The following DLC1 variants were observed in gnomAD, a reference collection of about 807,000 sequenced individuals.
The protein encoded by DLC1 is rho GTPase-activating protein 7.
In DLC1, 54 loss-of-function variants were observed where a neutral mutation model predicts 140.3. The observed-to-expected ratio is 0.38, with a 90% CI of 0.31 to 0.48. The LOEUF (loss-of-function observed/expected upper bound fraction) is 0.48, where lower values mean the gene tolerates loss of function less well. Ranked by LOEUF, DLC1 falls within the 20% of genes least tolerant of loss-of-function variation. The pLI is 0.96. For synonymous variants in DLC1, 986 were observed against 728.1 expected (o/e 1.35, Z -5.70); for missense variants, 2,536 against 1,907.0 (o/e 1.33, Z -6.14).
chr8:13,189,913 C>G (rs1826646931), intron 5 of DLC1, among the ~76,000 whole-genome samples: 2 of 151,908 alleles, frequency 1.3e-5, no homozygotes, highest in Non-Finnish European at 2.9e-5. Context: ...CACTCTTGGC[C>G]CTGGCTTCCC....
chr8:13,286,328 G>A (rs983443220), intron 5 of DLC1, among the ~76,000 whole-genome samples: 2 of 152,086 alleles, frequency 1.3e-5, no homozygotes, highest in African/African-American at 4.8e-5. Context: ...TCACTGGCTT[G>A]GAGAATATGT....
At chr8:13,456,628 T>G (rs1231342450) in intron 2 of DLC1, among the ~76,000 whole-genome samples, 2 of 152,022 alleles carry the variant, frequency 1.3e-5, no homozygotes, top group African/African-American at 4.8e-5. Context: ...CTGGGTAATT[T>G]TTGTATTTTT....
At chr8:13,305,614 G>T (rs1421984039) in intron 4 of DLC1, among the ~76,000 whole-genome samples, 2 of 152,306 alleles carry the variant, frequency 1.3e-5, no homozygotes, top group East Asian at 3.9e-4. Flanking sequence ...GAGACAGGCG[G>T]ATCGTTGAGC....
chr8:13,129,896 T>C (rs1161317518), intron 5 of DLC1, among the ~76,000 whole-genome samples: 1 of 152,228 alleles, frequency 6.6e-6, no homozygotes, highest in Non-Finnish European at 1.5e-5. Context: ...TCAGGTATTG[T>C]CTGGAGTCTT....
intron 5 of DLC1, among the ~76,000 whole-genome samples, chr8:13,188,397 G>A (rs146121426): frequency 2.5e-5 from 3 of 120,638 alleles, no homozygotes; most frequent in Admixed American, 1.9e-4. Context: ...TCCAGCCTGG[G>A]TGACAGAGCA....
At chr8:13,143,438 G>C (rs969171217) in intron 5 of DLC1, among the ~76,000 whole-genome samples, 2 of 152,176 alleles carry the variant, frequency 1.3e-5, no homozygotes, top group African/African-American at 4.8e-5. Flanking sequence ...AGGTAGGTTA[G>C]AAAAGGTCAG....
chr8:13,393,767 C>A (rs1473601960), intron 3 of DLC1, 74 bp from the exon 4 acceptor site: 14 of 1,529,436 alleles, frequency 9.2e-6, no homozygotes, highest in Non-Finnish European at 8.8e-6. Flanking sequence ...ACCACCAGAA[C>A]TTTGTCACTT....
intron 2 of DLC1, among the ~76,000 whole-genome samples, chr8:13,453,491 CATATATATATGTATATATATATACATAT>C (rs1563360543): frequency 5.6e-5 from 1 of 17,962 alleles, no homozygotes; most frequent in African/African-American, 3.1e-4. Flanking sequence ...TATATATATA[CATATATATATGTATATATATATACATAT>C]ATATATATGT....
chr8:13,276,181 C>T (rs1831155142), intron 5 of DLC1: 1 of 1,509,654 alleles, frequency 6.6e-7, no homozygotes, highest in Admixed American at 2.1e-5. Context: ...ATGAACCAAG[C>T]TTATCACTGC....
At chr8:13,233,305 A>T (rs1243965236) in intron 5 of DLC1, among the ~76,000 whole-genome samples, 3 of 143,520 alleles carry the variant, frequency 2.1e-5, no homozygotes, top group Non-Finnish European at 4.5e-5. Context: ...AAAAAAAAAA[A>T]AAAAAAAAAA....
intron 1 of DLC1, among the ~76,000 whole-genome samples, chr8:13,507,115 C>A (rs1802130501): frequency 6.6e-6 from 1 of 152,070 alleles, no homozygotes; most frequent in Admixed American, 6.6e-5. Context: ...TTACAAAGAG[C>A]ATTTGTGGAA....
Position 13,086,919 on chromosome 8 carries a change from G to A in DLC1, c.4293-456C>T, listed in dbSNP as rs935213898. Among the ~76,000 whole-genome samples, 7 of 152,190 alleles carry A rather than the reference G, an allele frequency of 4.6e-5. No individual in the cohort carries two copies. In the South Asian group the frequency reaches 6.2e-4, roughly 14 times the overall value. On this transcript the variant is annotated intron_variant, in intron 16 of 17. Coordinates refer to ENST00000276297, the MANE Select transcript of DLC1 (RefSeq NM_182643.3). The stretch of plus-strand genomic sequence containing the variant: ...GTGCTCCTGTAGTCTCAGCTACTCC[G>A]GGGGCTGAGATGGTAGGATTGCTTA...
intron 5 of DLC1, among the ~76,000 whole-genome samples, chr8:13,262,380 A>G (rs1402104764): frequency 2.6e-5 from 4 of 152,158 alleles, no homozygotes; most frequent in Admixed American, 2.6e-4. Context: ...ATCCTAAGGA[A>G]AACTCTCAAT....
chr8:13,191,255 C>G (rs572124557), intron 5 of DLC1, among the ~76,000 whole-genome samples: 1 of 152,158 alleles, frequency 6.6e-6, no homozygotes, highest in Non-Finnish European at 1.5e-5. Flanking sequence ...GCCTGTAATC[C>G]CAGCACTTTG....
intron 1 of DLC1, among the ~76,000 whole-genome samples, chr8:13,577,092 T>A (rs915479000): frequency 1.4e-4 from 22 of 152,260 alleles, no homozygotes; most frequent in Non-Finnish European, 5.9e-5. Flanking sequence ...TAATCCACCA[T>A]GGGGCACCAT....
Position 13,100,303 on chromosome 8 carries a change from G to C in DLC1, c.2034C>G (p.Ser678Arg). The C allele has an allele frequency of 6.2e-7, 1 of 1,614,146 alleles. No homozygotes were observed. The highest frequency in any genetic ancestry group is 8.5e-7 in the Non-Finnish European group (1 of 1,180,048). The change falls in exon 9 of 18, where the codon AGC becomes AGG. Residue 678 changes from serine to arginine, a missense_variant. Physicochemically the swap from Ser to Arg is moderately radical, Grantham distance 110. Coordinates refer to ENST00000276297, the MANE Select transcript of DLC1 (RefSeq NM_182643.3). Reference protein sequence around the residue: ...LKRMESLKLKSSHHSKHKAPS... With the variant: ...LKRMESLKLKRSHHSKHKAPS... Reference sequence around the variant, plus strand: ...GCGCTTTGTGCTTGCTGTGATGGGAGCTCTTGAGCTTCAGGCTCTCCATCC... The same window carrying C: ...GCGCTTTGTGCTTGCTGTGATGGGACCTCTTGAGCTTCAGGCTCTCCATCC...
In DLC1 at chr8:13,499,288, A is replaced by G; in HGVS notation, c.784T>C (p.Cys262Arg). The G allele has an allele frequency of 1.2e-6, 2 of 1,614,128 alleles. No homozygotes were observed. Among genetic ancestry groups the G allele is most frequent in the Non-Finnish European group, 1.7e-6 (2 of 1,180,012 alleles). The change falls in exon 2 of 18, where the codon TGC (cysteine) becomes CGC (arginine). Residue 262 changes from cysteine to arginine, a missense_variant. Cys to Arg is a radical substitution (Grantham distance 180). Transcript: ENST00000276297. ...AATAATGGCAGTCCTCTGTTTGTGCAAGGAGTATCCAAGAACTCATTTTGT... is the reference window on the plus strand; with the variant it reads ...AATAATGGCAGTCCTCTGTTTGTGCGAGGAGTATCCAAGAACTCATTTTGT... ...VVQNEFLDTPCTNRGLPLLKT... is the reference protein window; with the variant it reads ...VVQNEFLDTPRTNRGLPLLKT...
chr8:13,407,149 G>C (rs549196997), intron 2 of DLC1, among the ~76,000 whole-genome samples: 1 of 152,320 alleles, frequency 6.6e-6, no homozygotes, highest in East Asian at 1.9e-4. Flanking sequence ...AGATGTCCAA[G>C]CCCATGGTGG....
Position 13,587,102 on chromosome 8 carries a change from A to ACACACACACG in DLC1, c.-126+17434_-126+17435insCGTGTGTGTG, listed in dbSNP as rs760957250. Among the ~76,000 whole-genome samples the ACACACACACG allele has an allele frequency of 4.4e-3, 669 of 151,640 alleles. 6 individuals are homozygous for ACACACACACG. Among genetic ancestry groups the ACACACACACG allele is most frequent in the African/African-American group, 0.015 (630 of 41,334 alleles). On this transcript the variant is annotated intron_variant, in intron 1 of 1. Coordinates refer to the DLC1 transcript ENST00000631382. ...TACACACACACACACACACACACAC[A>ACACACACACG]CACATTCATGCATGCGCCTATCCAC...
Sources: allele counts gnomAD v4.1 joint callset (sites outside exome capture counted in the v4.1 genomes callset), GRCh38; gene constraint gnomAD v4.1.1; transcripts MANE v1.5; gene names NCBI Gene and HGNC (gene_info 2026-07-23, HGNC 2026-07-21).